The following TMEM132D variants were observed in gnomAD, a reference collection of about 807,000 sequenced individuals.
The protein encoded by TMEM132D is transmembrane protein 132D, also known as mature OL transmembrane protein.
A neutral mutation model predicts 62.3 loss-of-function variants in TMEM132D; 21 were observed. That is an observed-to-expected ratio of 0.34 (90% CI 0.24 to 0.49). The LOEUF is 0.49. Among genes scored for constraint, TMEM132D ranks in the 20% least tolerant of loss-of-function variants. The pLI is 0.99. For missense variants in TMEM132D, 1,346 were observed against 1,402.8 expected (o/e 0.96, Z 0.65); for synonymous variants, 621 against 575.6 (o/e 1.08, Z -1.13).
rs573195161 is a variant in TMEM132D, at chr12:129,347,347, G to A, written c.1116-9530C>T. 2.0e-5 allele frequency among the ~76,000 whole-genome samples: 3 copies of A among 152,256 alleles called. No individual in the cohort carries two copies. The East Asian group carries it at 5.8e-4, about 29-fold the overall frequency. On this transcript the variant is annotated intron_variant, in intron 3 of 8. Coordinates refer to ENST00000422113, the MANE Select transcript of TMEM132D (RefSeq NM_133448.3). ...CAGTAACCAAAACAGCATGGTACTG[G>A]TACCAAAACAGATATAGAGACCAAT...
chr12:129,329,459 A>ACAGT (rs1335038896), intron 4 of TMEM132D, among the ~76,000 whole-genome samples: 1 of 152,232 alleles, frequency 6.6e-6, no homozygotes, highest in Non-Finnish European at 1.5e-5. Context: ...AATGCTATGA[A>ACAGT]CAGTCAAATA....
At chr12:129,183,185 C>T (rs151110482) in intron 5 of TMEM132D, among the ~76,000 whole-genome samples, 27 of 152,292 alleles carry the variant, frequency 1.8e-4, no homozygotes, top group South Asian at 4.1e-4. Context: ...AAGGAGACTC[C>T]GGAATGGCAC....
intron 2 of TMEM132D, among the ~76,000 whole-genome samples, chr12:129,616,096 C>T (rs1878909274): frequency 6.6e-6 from 1 of 152,214 alleles, no homozygotes. Context: ...CACTTTTATT[C>T]TACTTCCTTG....
At chr12:129,484,156 G>A (rs1429698500) in intron 3 of TMEM132D, among the ~76,000 whole-genome samples, 4 of 152,118 alleles carry the variant, frequency 2.6e-5, no homozygotes, top group Admixed American at 2.6e-4. Context: ...TTTTAGTAGA[G>A]ATGGGGATTC....
chr12:129,134,228 T>C (rs1439054583), intron 5 of TMEM132D, among the ~76,000 whole-genome samples: 8 of 151,978 alleles, frequency 5.3e-5, no homozygotes, highest in Non-Finnish European at 1.2e-4. Flanking sequence ...ACTAGTTTGA[T>C]AGTTTGAATT....
At position 129,251,357 on chromosome 12, in the gene TMEM132D, C is replaced by CAA. The variant is rs59666716; in HGVS notation, c.1300-41696_1300-41695dup. On this transcript the variant is annotated intron_variant, in intron 4 of 8. Transcript: ENST00000422113. ...CTGGCGACAGAGTGAGACACTGTCTCAAAAAAAAAAAAAAAAAAAAAAAAA... is the reference window on the plus strand; with the variant it reads ...CTGGCGACAGAGTGAGACACTGTCTCAAAAAAAAAAAAAAAAAAAAAAAAAAA... Among the ~76,000 whole-genome samples, 68 of 79,776 alleles carry CAA rather than the reference C, an allele frequency of 8.5e-4. 1 individual carries two copies. Among genetic ancestry groups the CAA allele is most frequent in the African/African-American group, 9.1e-4 (18 of 19,876 alleles). The allele number at this position is 79,776 out of a possible 152,430, so 52.3% of individuals were successfully genotyped here. A position where few individuals can be genotyped will look rare whatever the true frequency, so the allele number is the denominator to read the frequency against.
At chr12:129,139,898 T>G (rs7974356) in intron 5 of TMEM132D, among the ~76,000 whole-genome samples, 38,246 of 151,514 alleles carry the variant, frequency 0.25, 5,022 homozygotes, top group South Asian at 0.33. Flanking sequence ...TTTTTTTTTG[T>G]AGAGACAGTG....
chr12:129,407,889 C>CAA (rs34385881), intron 3 of TMEM132D, among the ~76,000 whole-genome samples: 30 of 95,976 alleles, frequency 3.1e-4, no homozygotes, highest in East Asian at 2.3e-3. Context: ...GACTCCGACT[C>CAA]AAAAAAAAAA....
chr12:129,608,713 C>T lies in TMEM132D; in HGVS notation c.969-77508G>A, dbSNP rs150305651. Among the ~76,000 whole-genome samples, 479 of 152,270 alleles carry T rather than the reference C, an allele frequency of 3.1e-3. 5 individuals are homozygous for T. Among genetic ancestry groups the T allele is most frequent in the African/African-American group, 0.01 (432 of 41,544 alleles). ...TCAAAGTTGATGAAGCCATCAGCTC[C>T]GGCCTTTCTCCGTCTGTCATGCTTA... On this transcript the variant is annotated intron_variant, in intron 2 of 8. Transcript: ENST00000422113.
At chr12:129,370,118 C>T (rs558933926) in intron 3 of TMEM132D, among the ~76,000 whole-genome samples, 29 of 152,182 alleles carry the variant, frequency 1.9e-4, no homozygotes, top group Admixed American at 1.2e-3. Flanking sequence ...AAATCTAGTT[C>T]TCAAACATTG....
chr12:129,258,321 T>A (rs760237259), intron 4 of TMEM132D, among the ~76,000 whole-genome samples: 11 of 152,072 alleles, frequency 7.2e-5, no homozygotes, highest in South Asian at 2.1e-4. Context: ...TTATTATTAT[T>A]ATAATCATCA....
intron 4 of TMEM132D, among the ~76,000 whole-genome samples, chr12:129,314,687 T>C (rs1296891861): frequency 6.6e-6 from 1 of 152,182 alleles, no homozygotes; most frequent in Admixed American, 6.5e-5. Flanking sequence ...GGAGATTGCA[T>C]TGAATTTGTA....
intron 5 of TMEM132D, chr12:129,208,467 A>T (rs147980368): frequency 1.3e-5 from 2 of 152,614 alleles, no homozygotes; most frequent in East Asian, 3.9e-4. Flanking sequence ...ATGGACGTCC[A>T]TCTCATTTAT....
chr12:129,872,767 G>A (rs1037123213), intron 1 of TMEM132D, among the ~76,000 whole-genome samples: 4 of 152,156 alleles, frequency 2.6e-5, no homozygotes, highest in Non-Finnish European at 4.4e-5. Context: ...ACAGGATGTT[G>A]ACCGTCCATG....
At chr12:129,580,603 C>A (rs577453897) in intron 2 of TMEM132D, among the ~76,000 whole-genome samples, 2 of 152,222 alleles carry the variant, frequency 1.3e-5, no homozygotes, top group African/African-American at 4.8e-5. Context: ...ACTCAGGAGG[C>A]TGAGGCAGGG....
At chr12:129,283,646 G>A (rs1346248468) in intron 4 of TMEM132D, among the ~76,000 whole-genome samples, 2 of 152,206 alleles carry the variant, frequency 1.3e-5, no homozygotes, top group Admixed American at 6.5e-5. Context: ...TCGACATGAT[G>A]GGGAGACAGG....
intron 4 of TMEM132D, among the ~76,000 whole-genome samples, chr12:129,228,021 A>G (rs1394419121): frequency 6.6e-6 from 1 of 152,214 alleles, no homozygotes; most frequent in Non-Finnish European, 1.5e-5. Flanking sequence ...ATCCCAGGAC[A>G]TCGACGCTGT....
At chr12:129,399,881 G>A (rs897210956) in intron 3 of TMEM132D, among the ~76,000 whole-genome samples, 7 of 149,604 alleles carry the variant, frequency 4.7e-5, no homozygotes, top group African/African-American at 1.7e-4. Context: ...GTGTGTGTGC[G>A]TGTGTGTGTG....
At chr12:129,764,331 T>C (rs888635418) in intron 1 of TMEM132D, among the ~76,000 whole-genome samples, 4 of 152,152 alleles carry the variant, frequency 2.6e-5, no homozygotes, top group African/African-American at 9.7e-5. Flanking sequence ...TTCCTAGACT[T>C]CCACCCAAAA....
Sources: gnomAD v4.1 joint callset for allele counts (sites outside exome capture counted in the v4.1 genomes callset) on GRCh38, gnomAD v4.1.1 for gene constraint, MANE v1.5 for transcripts, NCBI Gene and HGNC (gene_info 2026-07-23, HGNC 2026-07-21) for gene names.